Variants in FARP2 observed in about 807,000 individuals in gnomAD.
The protein encoded by FARP2 is FERM, ARHGEF and pleckstrin domain-containing protein 2.
FARP2 carries 111 observed loss-of-function variants against 130.5 expected under a neutral mutation model. That is an observed-to-expected ratio of 0.85 (90% CI 0.73 to 1.00). The LOEUF (loss-of-function observed/expected upper bound fraction) is 1.00. Ranked by LOEUF, FARP2 falls within the 50% of genes least tolerant of loss-of-function variation. The probability of loss-of-function intolerance (pLI) is 0.00; values close to 1 mark genes in which losing one functional copy is unlikely to be tolerated. For synonymous variants in FARP2, 504 were observed against 516.9 expected, an observed-to-expected ratio of 0.98 and a Z score of 0.34; for missense variants, 1,385 against 1,346.3, an observed-to-expected ratio of 1.03 and a Z score of -0.45.
chr2:241,367,746 A>C (rs1385044027), intron 1 of FARP2, among the ~76,000 whole-genome samples: 1 of 152,010 alleles, frequency 6.6e-6, no homozygotes, highest in Non-Finnish European at 1.5e-5. Flanking sequence ...GTTACTGTGG[A>C]TGGTGGACTA....
Position 241,407,597 on chromosome 2 carries a change from T to C in FARP2, c.392T>C (p.Leu131Pro). 1 of 1,613,864 alleles carries C rather than the reference T, an allele frequency of 6.2e-7. No individual in the cohort carries two copies. Among genetic ancestry groups the C allele is most frequent in the Non-Finnish European group, 8.5e-7 (1 of 1,179,730 alleles). Residue 131 changes from leucine (L) to proline (P), a missense_variant, in exon 5 of 27, where the codon CTA becomes CCA. Physicochemically the swap from Leu to Pro is moderately conservative, Grantham distance 98. Transcript: ENST00000264042. ...VKFFPPDPGQ[L>P]QEEYTRYLFA... is the part of the protein sequence containing the mutation. ...TTTTTTCCACCTGATCCTGGTCAGC[T>C]ACAAGAAGAATATACAAGGTAAAGA... is the stretch of plus-strand genomic sequence containing the variant.
intron 2 of FARP2, among the ~76,000 whole-genome samples, chr2:241,374,227 G>GC (rs1460653744): frequency 1.3e-5 from 2 of 152,040 alleles, no homozygotes; most frequent in Non-Finnish European, 2.9e-5. Context: ...GCCCAGGCTG[G>GC]CCTCAAACTC....
At chr2:241,452,659 G>T (rs1003121103) in intron 13 of FARP2, among the ~76,000 whole-genome samples, 1 of 151,828 alleles carries the variant, frequency 6.6e-6, no homozygotes, top group Non-Finnish European at 1.5e-5. Flanking sequence ...AAGAAAAAGA[G>T]TCTGGGCACA....
At chr2:241,381,537 C>T (rs745723780) in intron 2 of FARP2, among the ~76,000 whole-genome samples, 1 of 152,148 alleles carries the variant, frequency 6.6e-6, no homozygotes, top group Non-Finnish European at 1.5e-5. Context: ...GCCCTCTTCT[C>T]CACAGCTGGA....
intron 13 of FARP2, chr2:241,442,212 A>G (rs898324348): frequency 6.6e-6 from 3 of 456,714 alleles, no homozygotes; most frequent in South Asian, 4.6e-5. Context: ...CTGTGCACAC[A>G]TGCAGCTCAG....
chr2:241,374,714 T>TC (rs2061495259), intron 2 of FARP2, among the ~76,000 whole-genome samples: 1 of 152,184 alleles, frequency 6.6e-6, no homozygotes, highest in Admixed American at 6.5e-5. Flanking sequence ...TGGGTGCTTT[T>TC]CTGAAGTGCT....
In FARP2 at chr2:241,441,356, A is replaced by G. The variant is rs907869078; in HGVS notation, c.1211A>G (p.Asn404Ser). 5.0e-6 allele frequency: 8 copies of G among 1,612,992 alleles called. No homozygotes were observed. The African/African-American group carries it at 1.1e-4, about 22-fold the overall frequency. The change falls in exon 13 of 27, where the codon AAT (asparagine) becomes AGT (serine). Residue 404 changes from asparagine (N) to serine (S), a missense_variant. Coordinates refer to ENST00000264042, the MANE Select transcript of FARP2 (RefSeq NM_014808.4). The stretch of plus-strand genomic sequence containing the variant: ...ACTCCTGCCTCCCCATCTTCAGCGA[A>G]TGCCTTTTACTCGCTCTCTCCCTCC... ...LRTPASPSSA[N>S]AFYSLSPSTL...
chr2:241,457,278 G>C (rs886813), intron 14 of FARP2, among the ~76,000 whole-genome samples: 2 of 149,044 alleles, frequency 1.3e-5, no homozygotes, highest in African/African-American at 2.6e-5. Flanking sequence ...TCTCCCTCCC[G>C]TCCTCCCTCC....
intron 17 of FARP2, among the ~76,000 whole-genome samples, chr2:241,467,044 C>T (rs1574883651): frequency 6.6e-6 from 1 of 151,994 alleles, no homozygotes; most frequent in Middle Eastern, 3.4e-3. Flanking sequence ...CGCTTGAGTC[C>T]AGGAGTTTGA....
intron 15 of FARP2, 111 bp from the exon 16 acceptor site, chr2:241,463,224 G>A (rs184988812): frequency 4.6e-5 from 52 of 1,124,638 alleles, no homozygotes; most frequent in Middle Eastern, 6.1e-4. Flanking sequence ...CTTTGTAGGC[G>A]GTGACTGGAG....
chr2:241,490,155 G>GGGTT (rs2124909329), intron 22 of FARP2, 111 bp downstream of exon 22: 2 of 767,340 alleles, frequency 2.6e-6, no homozygotes, highest in East Asian at 5.0e-5. Context: ...TAGCCTCATG[G>GGGTT]GGTTGTGCCC....
intron 11 of FARP2, 72 bp downstream of exon 11, chr2:241,435,102 A>G: frequency 1.2e-6 from 1 of 866,476 alleles, no homozygotes; most frequent in Non-Finnish European, 1.8e-6. Flanking sequence ...ATGGAGAGAG[A>G]GCGAAAAGAG....
At chr2:241,492,630 T>G in intron 24 of FARP2, 1 of 311,688 alleles carries the variant, frequency 3.2e-6, no homozygotes, top group Non-Finnish European at 6.0e-6. Context: ...TCTCTTAAGG[T>G]ATCTTCTCTC....
intron 15 of FARP2, 124 bp downstream of exon 15, chr2:241,462,736 C>T: frequency 1.5e-6 from 1 of 671,828 alleles, no homozygotes; most frequent in Non-Finnish European, 2.6e-6. Context: ...GTCACCCAGG[C>T]TGGAGTGCGG....
chr2:241,416,056 A>G (rs997553360), intron 7 of FARP2, among the ~76,000 whole-genome samples: 2 of 148,500 alleles, frequency 1.3e-5, no homozygotes, highest in African/African-American at 5.0e-5. Flanking sequence ...CTGTGTATAC[A>G]TGTGTGGCTG....
chr2:241,418,853 G>A (rs755605599), intron 8 of FARP2, among the ~76,000 whole-genome samples: 10 of 152,090 alleles, frequency 6.6e-5, no homozygotes, highest in East Asian at 3.9e-4. Context: ...AAGTCCCCTC[G>A]CACCCAGGCT....
intron 4 of FARP2, 63 bp from the exon 5 acceptor site, chr2:241,407,445 GGAAGCATGACCTCAGTTATACAGTAATAT>G: frequency 1.1e-6 from 1 of 945,156 alleles, no homozygotes; most frequent in Non-Finnish European, 1.7e-6. Flanking sequence ...CAGTCCACTT[GGAAGCATGACCTCAGTTATACAGTAATAT>G]ATGAAAAGAG....
At chr2:241,488,567 AT>A in intron 21 of FARP2, 1 of 151,728 alleles carries the variant, frequency 6.6e-6, no homozygotes, top group Non-Finnish European at 1.5e-5. Flanking sequence ...CAGGTGGCTA[AT>A]TTTTTGTATT....
chr2:241,474,187 T>A (rs2124847565), intron 18 of FARP2, among the ~76,000 whole-genome samples: 1 of 151,556 alleles, frequency 6.6e-6, no homozygotes, highest in East Asian at 2.0e-4. Flanking sequence ...GTGCCTGTAG[T>A]CCCAGCTACT....
Sources: allele counts gnomAD v4.1 joint callset (sites outside exome capture counted in the v4.1 genomes callset), GRCh38; gene constraint gnomAD v4.1.1; transcripts MANE v1.5; gene names NCBI Gene and HGNC (gene_info 2026-07-23, HGNC 2026-07-21).